PPP1R9A: variants seen among roughly 807,000 people sequenced by gnomAD.
The protein encoded by PPP1R9A is protein phosphatase 1 regulatory subunit 9A, also known as neurabin-1.
Under a neutral mutation model 141.9 loss-of-function variants are expected in PPP1R9A, and 59 were observed. The observed-to-expected ratio is 0.42, with a 90% CI of 0.34 to 0.52. The LOEUF (loss-of-function observed/expected upper bound fraction) is 0.52, where lower values mean the gene tolerates loss of function less well. PPP1R9A is among the 20% of genes least tolerant of loss of function. The pLI is 0.10. For synonymous variants in PPP1R9A, 500 were observed against 569.7 expected (o/e 0.88, Z 1.74); for missense variants, 1,444 against 1,611.9 (o/e 0.90, Z 1.78).
At chr7:95,287,740 C>T (rs1726033148) in intron 18 of PPP1R9A, among the ~76,000 whole-genome samples, 2 of 152,140 alleles carry the variant, frequency 1.3e-5, no homozygotes, top group Admixed American at 6.5e-5. Context: ...GGCTGGAGTG[C>T]AGTGGCACAA....
rs537819716 is a variant in PPP1R9A, at chr7:95,054,586, A to G, written c.1396-56673A>G. On this transcript the variant is annotated intron_variant, in intron 2 of 19. Coordinates refer to ENST00000433360, the MANE Select transcript of PPP1R9A (RefSeq NM_001166160.2). ...TGTCCAGTCCTGTCCCAGGTGAAGTAGAAGGTGTGGTTACTGGAGCTATAA... is the reference window on the plus strand; with the variant it reads ...TGTCCAGTCCTGTCCCAGGTGAAGTGGAAGGTGTGGTTACTGGAGCTATAA... Among the ~76,000 whole-genome samples, 29 of 152,268 alleles carry G rather than the reference A, an allele frequency of 1.9e-4. No homozygotes were observed. The South Asian group carries it at 6.0e-3, about 32-fold the overall frequency.
intron 2 of PPP1R9A, among the ~76,000 whole-genome samples, chr7:94,971,278 C>A (rs181483682): frequency 6.6e-6 from 1 of 152,224 alleles, no homozygotes; most frequent in Non-Finnish European, 1.5e-5. Flanking sequence ...TTAAGTAATC[C>A]TCAGGTAGTC....
chr7:95,129,374 G>A (rs1054251252), intron 4 of PPP1R9A, among the ~76,000 whole-genome samples: 4 of 152,136 alleles, frequency 2.6e-5, no homozygotes, highest in Non-Finnish European at 5.9e-5. Flanking sequence ...CTTGTCTGCC[G>A]CCATGTGAGA....
chr7:95,150,893 CAAGT>C (rs924179001), intron 4 of PPP1R9A, among the ~76,000 whole-genome samples: 1 of 152,062 alleles, frequency 6.6e-6, no homozygotes, highest in Non-Finnish European at 1.5e-5. Flanking sequence ...ATACAGAAAA[CAAGT>C]AAGCATATGA....
intron 8 of PPP1R9A, among the ~76,000 whole-genome samples, chr7:95,239,978 ATAGT>A (rs1413039756): frequency 2.6e-5 from 4 of 151,970 alleles, no homozygotes; most frequent in Non-Finnish European, 5.9e-5. Context: ...TTTACAACAG[ATAGT>A]TATACTCTCA....
intron 7 of PPP1R9A, among the ~76,000 whole-genome samples, chr7:95,205,377 C>T (rs923694701): frequency 2.6e-5 from 4 of 152,294 alleles, no homozygotes; most frequent in Non-Finnish European, 4.4e-5. Context: ...AGACTTTGTA[C>T]TCCCTAGAAA....
At chr7:95,256,285 T>C (rs1799574772) in intron 12 of PPP1R9A, among the ~76,000 whole-genome samples, 1 of 151,938 alleles carries the variant, frequency 6.6e-6, no homozygotes, top group South Asian at 2.1e-4. Flanking sequence ...TATGACTAAC[T>C]TGAGTCTATG....
chr7:94,972,488 G>A (rs1345657966), intron 2 of PPP1R9A, among the ~76,000 whole-genome samples: 1 of 151,732 alleles, frequency 6.6e-6, no homozygotes, highest in East Asian at 1.9e-4. Flanking sequence ...TGACTCAGCT[G>A]GTATGATGGT....
At chr7:95,121,350 G>A (rs780243278) in intron 4 of PPP1R9A, among the ~76,000 whole-genome samples, 1 of 152,120 alleles carries the variant, frequency 6.6e-6, no homozygotes, top group African/African-American at 2.4e-5. Flanking sequence ...CAGTAGAGGG[G>A]TCTGGCAGTC....
At chr7:95,126,437 A>T (rs1823575007) in intron 4 of PPP1R9A, among the ~76,000 whole-genome samples, 1 of 152,188 alleles carries the variant, frequency 6.6e-6, no homozygotes, top group Non-Finnish European at 1.5e-5. Flanking sequence ...GAAGAGCAGT[A>T]GTGTTGTGCA....
chr7:94,945,554 G>C (rs1795807480), intron 2 of PPP1R9A, among the ~76,000 whole-genome samples: 1 of 151,942 alleles, frequency 6.6e-6, no homozygotes, highest in African/African-American at 2.4e-5. Context: ...TTTATGCCCA[G>C]TTCACAAATA....
chr7:94,982,371 C>A (rs1043788646), intron 2 of PPP1R9A, among the ~76,000 whole-genome samples: 1 of 152,184 alleles, frequency 6.6e-6, no homozygotes, highest in African/African-American at 2.4e-5. Context: ...AATGGTATTT[C>A]TAGTTCTAGA....
chr7:95,065,949 T>C (rs762552886), intron 2 of PPP1R9A, among the ~76,000 whole-genome samples: 1 of 152,126 alleles, frequency 6.6e-6, no homozygotes, highest in East Asian at 1.9e-4. Flanking sequence ...TACAAAGAGA[T>C]TCACTAGTTA....
chr7:95,014,183 G>T (rs1388955078), intron 2 of PPP1R9A, among the ~76,000 whole-genome samples: 1 of 151,940 alleles, frequency 6.6e-6, no homozygotes. Context: ...AATTAGACCC[G>T]TTGGCCCAGT....
intron 16 of PPP1R9A, among the ~76,000 whole-genome samples, chr7:95,280,113 G>A (rs1803909479): frequency 6.6e-6 from 1 of 152,128 alleles, no homozygotes; most frequent in African/African-American, 2.4e-5. Context: ...TCTCACAGCT[G>A]TTATCCATTA....
chr7:95,000,203 A>G (rs916783533), intron 2 of PPP1R9A, among the ~76,000 whole-genome samples: 1 of 152,178 alleles, frequency 6.6e-6, no homozygotes, highest in Non-Finnish European at 1.5e-5. Context: ...TGTCCTAAAC[A>G]CTCAAAATAA....
intron 4 of PPP1R9A, among the ~76,000 whole-genome samples, chr7:95,146,097 C>A (rs917160250): frequency 6.6e-6 from 1 of 152,176 alleles, no homozygotes; most frequent in Non-Finnish European, 1.5e-5. Context: ...AATGGTTGGA[C>A]AAATTTACAT....
chr7:95,233,597 A>G (rs528569745), intron 8 of PPP1R9A, among the ~76,000 whole-genome samples: 5 of 152,200 alleles, frequency 3.3e-5, no homozygotes, highest in Admixed American at 6.6e-5. Context: ...TCTGTCAGAC[A>G]TTCAAAGAAG....
At chr7:95,140,531 C>T (rs921231941) in intron 4 of PPP1R9A, among the ~76,000 whole-genome samples, 2 of 152,048 alleles carry the variant, frequency 1.3e-5, no homozygotes, top group Non-Finnish European at 2.9e-5. Context: ...GCTGGGACTA[C>T]AGGCATGCCA....
Sources: allele counts gnomAD v4.1 joint callset (sites outside exome capture counted in the v4.1 genomes callset), GRCh38; gene constraint gnomAD v4.1.1; transcripts MANE v1.5; gene names NCBI Gene and HGNC (gene_info 2026-07-23, HGNC 2026-07-21).